EPHA10: variants seen among roughly 807,000 people sequenced by gnomAD.
EPHA10 encodes the protein EPH receptor A10.
In EPHA10, 120 loss-of-function variants were observed where a neutral mutation model predicts 109.7. That is an observed-to-expected ratio of 1.09 (90% CI 0.94 to 1.27). The LOEUF is 1.27. EPHA10 is among the 50% of genes most tolerant of loss of function. EPHA10 has a pLI of 0.00. For missense variants in EPHA10, 1,396 were observed against 1,411.1 expected, an observed-to-expected ratio of 0.99 and a Z score of 0.17; for synonymous variants, 640 against 618.9, an observed-to-expected ratio of 1.03 and a Z score of -0.51.
chr1:37,762,892 C>A, intron 1 of EPHA10, 43 bp from the exon 2 acceptor site: 1 of 1,526,086 alleles, frequency 6.6e-7, no homozygotes, highest in South Asian at 1.2e-5. Flanking sequence ...TCGAGAAGGT[C>A]AGTTTAGCAA....
intron 3 of EPHA10, chr1:37,761,089 T>TAAAAAA: frequency 2.2e-6 from 2 of 912,528 alleles, no homozygotes; most frequent in Non-Finnish European, 1.4e-6. Flanking sequence ...CTCCTTATTT[T>TAAAAAA]AAAAAAAAAA....
At chr1:37,749,300 A>G (rs983642044) in intron 5 of EPHA10, among the ~76,000 whole-genome samples, 2 of 152,244 alleles carry the variant, frequency 1.3e-5, no homozygotes, top group East Asian at 3.9e-4. Flanking sequence ...GAAGCTTAGT[A>G]TTTTTATTGA....
At chr1:37,762,874 A>AT in intron 1 of EPHA10, 25 bp from the exon 2 acceptor site, 1 of 1,545,636 alleles carries the variant, frequency 6.5e-7, no homozygotes, top group Non-Finnish European at 8.7e-7. Flanking sequence ...AGACAGAAAT[A>AT]TCAGAAATCG....
At chr1:37,750,810 T>C (rs1646310094) in intron 5 of EPHA10, among the ~76,000 whole-genome samples, 1 of 151,826 alleles carries the variant, frequency 6.6e-6, no homozygotes, top group African/African-American at 2.4e-5. Context: ...GCTCCCAAAG[T>C]GCTCAGACTA....
rs1335715472 is a variant in EPHA10, at chr1:37,764,729, C to G, written c.106+232G>C. Among the ~76,000 whole-genome samples the G allele has an allele frequency of 1.3e-5, 2 of 152,076 alleles. No homozygotes were observed. The highest frequency in any genetic ancestry group is 2.9e-5 in the Non-Finnish European group (2 of 68,032). ...GCCTCTGGCTCCCGCGGTTCCTGGCCTCTTTCTTTCCCAACCTCCCGGGTC... is the reference window on the plus strand; with the variant it reads ...GCCTCTGGCTCCCGCGGTTCCTGGCGTCTTTCTTTCCCAACCTCCCGGGTC... On this transcript the variant is annotated intron_variant, in intron 1 of 16. Transcript: ENST00000373048. This position sits in a 1 kb window ranked among gnomAD's most constrained non-coding sequence, Gnocchi z 5.8.
intron 14 of EPHA10, 135 bp downstream of exon 14, chr1:37,719,774 G>T: frequency 6.7e-7 from 1 of 1,500,980 alleles, no homozygotes; most frequent in Admixed American, 1.8e-5. Context: ...CAGTGGCCAG[G>T]CAGAACCAGA....
chr1:37,753,255 G>C (rs1337671575), intron 4 of EPHA10, 29 bp from the exon 5 acceptor site: 1 of 1,257,266 alleles, frequency 8.0e-7, no homozygotes, highest in Non-Finnish European at 1.0e-6. Flanking sequence ...GGGGCGGTCA[G>C]GGCGGGGCGT....
chr1:37,761,886 C>T lies in EPHA10; in HGVS notation c.369G>A (p.Lys123=), dbSNP rs762863816. ...CCAGGTAGTAGACGTTGAAGGTCTC[C>T]TTGCAGGTACCCGCGGCGCCAGGGA... is the stretch of plus-strand genomic sequence containing the variant. ...SSIPGAAGTC[K]ETFNVYYLET... Residue 123 remains lysine, a synonymous_variant, in exon 3 of 17, where the codon AAG becomes AAA. Transcript: ENST00000373048. 6.8e-6 allele frequency: 11 copies of T among 1,611,718 alleles called. No homozygotes were observed. In the South Asian group the frequency reaches 1.2e-4, roughly 18 times the overall value.
downstream of EPHA10, among the ~76,000 whole-genome samples, chr1:37,714,407 G>C (rs529899029): frequency 6.6e-6 from 1 of 152,308 alleles, no homozygotes; most frequent in East Asian, 1.9e-4. Context: ...TGCAGCCTTT[G>C]GCCCACACCT....
intron 8 of EPHA10, 87 bp from the exon 9 acceptor site, chr1:37,723,459 C>T: frequency 6.9e-7 from 1 of 1,451,082 alleles, no homozygotes; most frequent in Non-Finnish European, 9.4e-7. Context: ...CTCTTTGTCC[C>T]TTCAAAAGAC....
intron 7 of EPHA10, among the ~76,000 whole-genome samples, chr1:37,727,774 G>A (rs1645919367): frequency 6.6e-6 from 1 of 152,200 alleles, no homozygotes; most frequent in Admixed American, 6.5e-5. Flanking sequence ...CTAAAAAGTG[G>A]TGAACCTAAG....
In EPHA10 at chr1:37,720,026, G is replaced by C. The variant is rs757393344; in HGVS notation, c.2445C>G (p.Pro815=). The change falls in exon 14 of 17, where the codon CCC becomes CCG. Residue 815 remains proline (P), a synonymous_variant. Transcript: ENST00000373048. ...SGRSPALWAA[P]ETLQFGHFSS... ...TGAAGTGGCCAAACTGAAGTGTCTC[G>C]GGAGCGGCCCATAGCGCTGGGCTCC... is the stretch of plus-strand genomic sequence containing the variant. The C allele has an allele frequency of 6.2e-7, 1 of 1,613,748 alleles. No individual in the cohort carries two copies. The highest frequency in any genetic ancestry group is 1.7e-5 in the Admixed American group (1 of 60,018).
chr1:37,736,662 C>T (rs534919070), intron 5 of EPHA10, among the ~76,000 whole-genome samples: 4 of 152,022 alleles, frequency 2.6e-5, no homozygotes, highest in African/African-American at 9.6e-5. Flanking sequence ...GAGCCGAGAT[C>T]GCGCCACTGC....
In EPHA10 at chr1:37,718,914, G is replaced by A. The variant is rs545964901; in HGVS notation, c.2757-98C>T. ...GGCCAGCTGAGGATGGACAGGAGAA[G>A]GGGAGGGTAACCGGGCCCCAGGGCT... On this transcript the variant is annotated intron_variant, in intron 15 of 16. Coordinates refer to ENST00000373048, the MANE Select transcript of EPHA10 (RefSeq NM_001099439.2). The A allele has an allele frequency of 7.3e-5, 106 of 1,454,418 alleles. 5 individuals carry two copies. In the South Asian group the frequency reaches 1.5e-3, roughly 20 times the overall value. The allele number at this position is 1,454,418 out of a possible 1,614,324, so 90.1% of individuals were successfully genotyped here.
At chr1:37,725,913 G>A (rs1645883248) in intron 8 of EPHA10, among the ~76,000 whole-genome samples, 1 of 152,194 alleles carries the variant, frequency 6.6e-6, no homozygotes, top group Non-Finnish European at 1.5e-5. Flanking sequence ...AGGTGCTGCA[G>A]ACAGCCCACC....
chr1:37,720,226 G>A (rs778199390), intron 13 of EPHA10, 125 bp downstream of exon 13: 46 of 1,392,996 alleles, frequency 3.3e-5, no homozygotes, highest in African/African-American at 1.3e-4. Context: ...GGGTTCACTC[G>A]CATTTATGCC....
intron 5 of EPHA10, among the ~76,000 whole-genome samples, chr1:37,750,841 C>G (rs1263605361): frequency 6.6e-6 from 1 of 151,866 alleles, no homozygotes; most frequent in Non-Finnish European, 1.5e-5. Context: ...CCACTGTTCC[C>G]GGCCTGAAGA....
intron 8 of EPHA10, among the ~76,000 whole-genome samples, chr1:37,724,086 T>C (rs1645847763): frequency 6.6e-6 from 1 of 151,972 alleles, no homozygotes; most frequent in African/African-American, 2.4e-5. Flanking sequence ...AGTTGCAGAG[T>C]GGAAGCTGCC....
At chr1:37,723,848 G>A (rs1645843854) in intron 8 of EPHA10, among the ~76,000 whole-genome samples, 1 of 152,254 alleles carries the variant, frequency 6.6e-6, no homozygotes, top group Admixed American at 6.5e-5. Context: ...AGACAGGCCT[G>A]ACCTGATCCA....
Sources: gnomAD v4.1 joint callset for allele counts (sites outside exome capture counted in the v4.1 genomes callset) on GRCh38, gnomAD v4.1.1 for gene constraint, Gnocchi (gnomAD v3.1) non-coding constraint, MANE v1.5 for transcripts, NCBI Gene and HGNC (gene_info 2026-07-23, HGNC 2026-07-21) for gene names.